Variants in KCNQ1 observed in about 807,000 individuals in gnomAD.
KCNQ1 encodes potassium voltage-gated channel subfamily Q member 1, also known as potassium voltage-gated channel subfamily KQT member 1.
Under a neutral mutation model 72.4 loss-of-function variants are expected in KCNQ1, and 49 were observed. The ratio of observed to expected loss-of-function variants is 0.68; its 90% CI spans 0.54 to 0.86. The LOEUF is 0.86. KCNQ1 is among the 40% of genes least tolerant of loss of function. The probability of loss-of-function intolerance (pLI) is 0.00; values close to 1 mark genes in which losing one functional copy is unlikely to be tolerated. For missense variants in KCNQ1, 790 were observed against 945.1 expected (o/e 0.84, Z 2.15); for synonymous variants, 450 against 412.6 (o/e 1.09, Z -1.10).
intron 10 of KCNQ1, among the ~76,000 whole-genome samples, chr11:2,596,674 T>C (rs919974542): frequency 6.6e-6 from 1 of 151,376 alleles, no homozygotes; most frequent in Non-Finnish European, 1.5e-5. Flanking sequence ...AAGTCAGTGG[T>C]TATCAGTGGT....
At position 2,545,251 on chromosome 11, in the gene KCNQ1, C is replaced by T. The variant is rs529269135; in HGVS notation, c.477+17233C>T. 5.5e-4 allele frequency among the ~76,000 whole-genome samples: 83 copies of T among 152,210 alleles called. 1 individual carries two copies. The highest frequency in any genetic ancestry group is 1.8e-3 in the African/African-American group (75 of 41,530). ...ATATTGTCTATATATTTTCTTGTAA[C>T]GTCTTTGGCTTTGGTATTAGAGTAA... On this transcript the variant is annotated intron_variant, in intron 2 of 15. Transcript: ENST00000155840.
At position 2,809,051 on chromosome 11, in the gene KCNQ1, G is replaced by A. The variant is rs984134944; in HGVS notation, c.1794+31014G>A. Among the ~76,000 whole-genome samples the A allele has an allele frequency of 1.4e-5, 2 of 146,248 alleles. No homozygotes were observed. Among genetic ancestry groups the A allele is most frequent in the African/African-American group, 2.5e-5 (1 of 40,660 alleles). On this transcript the variant is annotated intron_variant, in intron 15 of 15. Transcript: ENST00000155840. The surrounding 1 kb of genome is among the most constrained non-coding windows in gnomAD (Gnocchi z 7.1). ...TGGAGGAATGGATGGATGGAGGGGT[G>A]GGTAGGTGGGTGGGTAGGTGGGTGG...
At chr11:2,819,253 C>T (rs1228362919) in intron 15 of KCNQ1, among the ~76,000 whole-genome samples, 2 of 152,228 alleles carry the variant, frequency 1.3e-5, no homozygotes, top group Admixed American at 6.5e-5. Context: ...ATTGTGTGCT[C>T]TATGCCTGCC....
At position 2,547,623 on chromosome 11, in the gene KCNQ1, C is replaced by T. The variant is rs117005459; in HGVS notation, c.477+19605C>T. 6.7e-3 allele frequency among the ~76,000 whole-genome samples: 1,014 copies of T among 152,322 alleles called. 4 individuals carry two copies. Among genetic ancestry groups the T allele is most frequent in the Middle Eastern group, 0.01 (3 of 294 alleles). On this transcript the variant is annotated intron_variant, in intron 2 of 15. Coordinates refer to ENST00000155840, the MANE Select transcript of KCNQ1 (RefSeq NM_000218.3). This position sits in a 1 kb window ranked among gnomAD's most constrained non-coding sequence, Gnocchi z 4.2. ...TCTCATTTAACCCTTTACTGTCTGG[C>T]TTACCGTTTTTATTAATCTGCCTTA...
rs921524796 is a variant in KCNQ1, at chr11:2,588,947, G to T, written c.1393+93G>T. 2 of 1,459,864 alleles carry T rather than the reference G, an allele frequency of 1.4e-6. No homozygotes were observed. The highest frequency in any genetic ancestry group is 1.4e-5 in the African/African-American group (1 of 72,050). 90.4% of individuals were successfully genotyped at this position (1,459,864 alleles called of 1,614,324 possible). A position where few individuals can be genotyped will look rare whatever the true frequency, so the allele number is the denominator to read the frequency against. On this transcript the variant is annotated intron_variant, in intron 10 of 15. Coordinates refer to ENST00000155840, the MANE Select transcript of KCNQ1 (RefSeq NM_000218.3). The surrounding 1 kb of genome is among the most constrained non-coding windows in gnomAD (Gnocchi z 5.6). ...GCAAGCCAGTGAGTTTCTCCCTTGG[G>T]CTGTGGTCTCTGACAACGAGGTATG...
rs576130363 is a variant in KCNQ1, at chr11:2,451,011, G to A, written c.386+5527G>A. 2.6e-5 allele frequency among the ~76,000 whole-genome samples: 4 copies of A among 152,234 alleles called. No individual in the cohort carries two copies. The highest frequency in any genetic ancestry group is 3.4e-3 in the Middle Eastern group (1 of 294). ...CCACTTCTCGACCATCTCCTGGGAA[G>A]TTCTAATGTTTGGTTCAGGGTGTGG... On this transcript the variant is annotated intron_variant, in intron 1 of 15. Transcript: ENST00000155840. This position sits in a 1 kb window ranked among gnomAD's most constrained non-coding sequence, Gnocchi z 6.4.
chr11:2,507,187 G>A lies in KCNQ1; in HGVS notation c.387-20741G>A, dbSNP rs1847118153. Among the ~76,000 whole-genome samples, 1 of 152,228 alleles carries A rather than the reference G, an allele frequency of 6.6e-6. No homozygotes were observed. The highest frequency in any genetic ancestry group is 2.4e-5 in the African/African-American group (1 of 41,454). ...CTGGAGGTTTGGGGTCTTGTCTTCA[G>A]CATTTAGCTCCTTGTCCGTTTGGAG... is the stretch of plus-strand genomic sequence containing the variant. On this transcript the variant is annotated intron_variant, in intron 1 of 15. Transcript: ENST00000155840. This position sits in a 1 kb window ranked among gnomAD's most constrained non-coding sequence, Gnocchi z 5.4.
At chr11:2,452,065 G>A (rs1198307775) in intron 1 of KCNQ1, among the ~76,000 whole-genome samples, 2 of 152,222 alleles carry the variant, frequency 1.3e-5, no homozygotes, top group African/African-American at 4.8e-5. Flanking sequence ...CGTCCTGGCA[G>A]CGGGTGAGCT....
At position 2,611,557 on chromosome 11, in the gene KCNQ1, G is replaced by C. The variant is rs953411391; in HGVS notation, c.1393+22703G>C. The C allele has an allele frequency of 2.5e-6, 1 of 398,358 alleles. No individual in the cohort carries two copies. Among genetic ancestry groups the C allele is most frequent in the Admixed American group, 4.4e-5 (1 of 22,702 alleles). The allele number at this position is 398,358 out of a possible 1,614,324, so 24.7% of individuals were successfully genotyped here. On this transcript the variant is annotated intron_variant, in intron 10 of 15. Coordinates refer to ENST00000155840, the MANE Select transcript of KCNQ1 (RefSeq NM_000218.3). The surrounding 1 kb of genome is among the most constrained non-coding windows in gnomAD (Gnocchi z 5.3). ...CAGTCACTCTAGCTTTCTTATTACT[G>C]TTTGCATGTCATCTTTTTCCATCAT...
At chr11:2,629,253 C>T in intron 10 of KCNQ1, 1 of 398,218 alleles carries the variant, frequency 2.5e-6, no homozygotes, top group African/African-American at 2.1e-5. Flanking sequence ...TTATTTGTAT[C>T]ATCTTAGAAT....
chr11:2,698,551 C>G lies in KCNQ1; in HGVS notation c.1514+36470C>G, dbSNP rs1051210159. 1 of 398,534 alleles carries G rather than the reference C, an allele frequency of 2.5e-6. No individual in the cohort carries two copies. Among genetic ancestry groups the G allele is most frequent in the South Asian group, 1.3e-4 (1 of 7,846 alleles). The allele number at this position is 398,534 out of a possible 1,614,324, so 24.7% of individuals were successfully genotyped here. Reference sequence around the variant, plus strand: ...CCAACTCAGACTGCAACCTTTACTTCGCCCCCTAATTCCTGACTCAGAATC... The same window carrying G: ...CCAACTCAGACTGCAACCTTTACTTGGCCCCCTAATTCCTGACTCAGAATC... On this transcript the variant is annotated intron_variant, in intron 11 of 15. Transcript: ENST00000155840. The surrounding 1 kb of genome is among the most constrained non-coding windows in gnomAD (Gnocchi z 5.1).
chr11:2,449,548 G>A (rs567967902), intron 1 of KCNQ1, among the ~76,000 whole-genome samples: 76 of 152,208 alleles, frequency 5.0e-4, no homozygotes, highest in African/African-American at 1.5e-3. Context: ...GTTCTGCCAC[G>A]TGCCATCCTG....
rs561861522 is a variant in KCNQ1 at position 2,848,900 on chromosome 11, G to T, written c.*897G>T. The T allele has an allele frequency of 2.2e-5, 10 of 454,022 alleles. No individual in the cohort carries two copies. Among genetic ancestry groups the T allele is most frequent in the African/African-American group, 1.6e-4 (8 of 49,992 alleles). The allele number at this position is 454,022 out of a possible 1,614,324, so 28.1% of individuals were successfully genotyped here. A position where few individuals can be genotyped will look rare whatever the true frequency, so the allele number is the denominator to read the frequency against. On this transcript the variant is annotated 3_prime_UTR_variant, in exon 16 of 16. Coordinates refer to ENST00000155840, the MANE Select transcript of KCNQ1 (RefSeq NM_000218.3). ...TACATCGCATAGAAATCAATAATTTGTGGTGATTTGGATCTGTGTTTTAAT... is the reference window on the plus strand; with the variant it reads ...TACATCGCATAGAAATCAATAATTTTTGGTGATTTGGATCTGTGTTTTAAT...
Position 2,824,292 on chromosome 11 carries a change from C to T in KCNQ1, c.1795-23475C>T, listed in dbSNP as rs1847795523. The stretch of plus-strand genomic sequence containing the variant: ...GGCCCTGGGAGGAGGGAGGCTAGGC[C>T]CAGGGGTGGAAAGAAGACAGATACG... On this transcript the variant is annotated intron_variant, in intron 15 of 15. Transcript: ENST00000155840. The surrounding 1 kb of genome is among the most constrained non-coding windows in gnomAD (Gnocchi z 5.9). Among the ~76,000 whole-genome samples the T allele has an allele frequency of 6.6e-6, 1 of 151,910 alleles. No homozygotes were observed.
chr11:2,587,243 T>A (rs577550525), intron 8 of KCNQ1, among the ~76,000 whole-genome samples: 1 of 152,328 alleles, frequency 6.6e-6, no homozygotes, highest in South Asian at 2.1e-4. Context: ...CTGGGGATGA[T>A]GTGCGACCTG....
chr11:2,449,757 G>A (rs895766137), intron 1 of KCNQ1, among the ~76,000 whole-genome samples: 48 of 152,142 alleles, frequency 3.2e-4, no homozygotes, highest in Admixed American at 1.3e-4. Flanking sequence ...TGATGCCCCC[G>A]TTTTTAAAGG....
intron 15 of KCNQ1, among the ~76,000 whole-genome samples, chr11:2,794,826 C>A (rs1208098673): frequency 6.6e-6 from 1 of 152,126 alleles, no homozygotes. Flanking sequence ...CCTGTTCTTC[C>A]CAAGTTTGCT....
In KCNQ1 at chr11:2,571,422, C is replaced by T. The variant is rs372777085; in HGVS notation, c.683+19C>T. On this transcript the variant is annotated intron_variant, in intron 4 of 15. Coordinates refer to ENST00000155840, the MANE Select transcript of KCNQ1 (RefSeq NM_000218.3). ...CCATCAGGTGCGTCTGTGCCACAAGCTCCCCCCGCCATGCCGCCCCACCCC... is the reference window on the plus strand; with the variant it reads ...CCATCAGGTGCGTCTGTGCCACAAGTTCCCCCCGCCATGCCGCCCCACCCC... The T allele has an allele frequency of 9.4e-6, 15 of 1,598,990 alleles. No individual in the cohort carries two copies. In the African/African-American group the frequency reaches 1.6e-4, roughly 17 times the overall value.
intron 1 of KCNQ1, among the ~76,000 whole-genome samples, chr11:2,525,137 G>A (rs1218779502): frequency 1.3e-5 from 2 of 152,198 alleles, no homozygotes; most frequent in Non-Finnish European, 2.9e-5. Context: ...TGGGGACAGG[G>A]CCTGCAGCTT....
Sources: allele counts gnomAD v4.1 joint callset (sites outside exome capture counted in the v4.1 genomes callset), GRCh38; gene constraint gnomAD v4.1.1; non-coding constraint Gnocchi (gnomAD v3.1); transcripts MANE v1.5; gene names NCBI Gene and HGNC (gene_info 2026-07-23, HGNC 2026-07-21).